The following USP54 variants were observed in gnomAD, a reference collection of about 807,000 sequenced individuals.
USP54 encodes the protein ubiquitin carboxyl-terminal hydrolase 54.
A neutral mutation model predicts 170.5 loss-of-function variants in USP54; 87 were observed. The observed-to-expected ratio is 0.51, with a 90% confidence interval of 0.43 to 0.61. USP54 has a LOEUF of 0.61. Among genes scored for constraint, USP54 ranks in the 20% least tolerant of loss-of-function variants. The probability of loss-of-function intolerance (pLI) is 0.00; values close to 1 mark genes in which losing one functional copy is unlikely to be tolerated. For missense variants in USP54, 1,786 were observed against 2,047.8 expected, an observed-to-expected ratio of 0.87 and a Z score of 2.47; for synonymous variants, 655 against 742.8, an observed-to-expected ratio of 0.88 and a Z score of 1.92.
chr10:73,596,883 G>A (rs1354037216), intron 1 of USP54, among the ~76,000 whole-genome samples: 1 of 152,038 alleles, frequency 6.6e-6, no homozygotes, highest in Admixed American at 6.6e-5. Flanking sequence ...AAAAGTGAAA[G>A]TTATCGACTT....
chr10:73,538,341 TTCATAGCAAGGTAG>T, intron 10 of USP54: 1 of 152,156 alleles, frequency 6.6e-6, no homozygotes, highest in African/African-American at 2.4e-5. Flanking sequence ...AATTGTGCCA[TTCATAGCAAGGTAG>T]TCAGTAATCA....
At chr10:73,618,041 T>C (rs2080787648) in intron 1 of USP54, among the ~76,000 whole-genome samples, 1 of 150,112 alleles carries the variant, frequency 6.7e-6, no homozygotes. Flanking sequence ...TGAAACCCCA[T>C]CTCTACTAAA....
intron 1 of USP54, among the ~76,000 whole-genome samples, chr10:73,616,821 T>A (rs966131857): frequency 2.0e-5 from 3 of 149,706 alleles, no homozygotes; most frequent in Admixed American, 2.0e-4. Flanking sequence ...AGAGACTCTG[T>A]CTCAAAAACA....
chr10:73,542,730 C>CAA (rs368216335), intron 7 of USP54, 73 bp downstream of exon 7: 5,797 of 1,175,050 alleles, frequency 4.9e-3, no homozygotes, highest in Non-Finnish European at 5.3e-3. Context: ...GACTCTGTCT[C>CAA]AAAAAAAAAA....
Position 73,516,468 on chromosome 10 carries a change from C to T in USP54, c.3958G>A (p.Glu1320Lys). ...QDTEQETSEL[E>K]SLYQASLQAS... is the part of the protein sequence containing the mutation. ...TGAAGACTGGCCTGATACAGAGACT[C>T]CAATTCTGAGGTCTCCTGCTCTGTG... is the stretch of plus-strand genomic sequence containing the variant. Residue 1320 changes from glutamate to lysine, a missense_variant, in exon 20 of 24, where the codon GAG becomes AAG. Coordinates refer to ENST00000687698, the MANE Select transcript of USP54 (RefSeq NM_001391956.1). The T allele has an allele frequency of 6.2e-7, 1 of 1,614,062 alleles. No homozygotes were observed. The highest frequency in any genetic ancestry group is 8.5e-7 in the Non-Finnish European group (1 of 1,180,008).
At chr10:73,539,404 T>C (rs769469268) in intron 10 of USP54, 40 bp downstream of exon 10, 3 of 1,480,820 alleles carry the variant, frequency 2.0e-6, no homozygotes, top group Non-Finnish European at 2.7e-6. Context: ...TTTTTTTTTG[T>C]AGTCACCAAA....
At chr10:73,605,466 G>A (rs2079548213) in intron 1 of USP54, among the ~76,000 whole-genome samples, 1 of 152,034 alleles carries the variant, frequency 6.6e-6, no homozygotes, top group Non-Finnish European at 1.5e-5. Context: ...TATCGATACT[G>A]CAGTGAGCCA....
At chr10:73,607,287 C>A in intron 1 of USP54, among the ~76,000 whole-genome samples, 1 of 146,086 alleles carries the variant, frequency 6.8e-6, no homozygotes. Flanking sequence ...ACAGTGAGAC[C>A]TGGTTTCCAC....
rs184258285 is a variant in USP54 at position 73,500,826 on chromosome 10, C to T, written c.4324G>A (p.Val1442Met). The T allele has an allele frequency of 7.5e-6, 12 of 1,598,442 alleles. No individual in the cohort carries two copies. The highest frequency in any genetic ancestry group is 3.4e-5 in the South Asian group (3 of 89,114). ...TGCCCGGTTTCCAAAGGCTTCCTCA[C>T]GTTTGATGAATCCTTATAATGAGAC... ...VSSHSFDSSN[V>M]RKPLETGHRC... is the part of the protein sequence containing the mutation. The change falls in exon 23 of 24, where the codon GTG becomes ATG. Residue 1442 changes from valine (V) to methionine (M), a missense_variant. Val to Met is a conservative substitution (Grantham distance 21). This residue lies in a region of USP54 where 1,418 missense variants were observed against 1,569.0 expected (regional missense o/e 0.90). Transcript: ENST00000687698.
At chr10:73,501,938 C>A (rs2058205252) in intron 22 of USP54, among the ~76,000 whole-genome samples, 1 of 152,252 alleles carries the variant, frequency 6.6e-6, no homozygotes, top group African/African-American at 2.4e-5. Context: ...CTCAAAAAAA[C>A]CACTATTACC....
At chr10:73,505,081 G>GGGGAAGACTCAGTA in intron 21 of USP54, 91 bp from the exon 22 acceptor site, 1 of 1,565,884 alleles carries the variant, frequency 6.4e-7, no homozygotes, top group Admixed American at 1.7e-5. Flanking sequence ...GGAAAGAGTA[G>GGGGAAGACTCAGTA]GGGAAGACTC....
In USP54 at chr10:73,604,234, C is replaced by T. The variant is rs527849742; in HGVS notation, c.-18+21333G>A. Among the ~76,000 whole-genome samples the T allele has an allele frequency of 4.6e-5, 7 of 151,888 alleles. No individual in the cohort carries two copies. In the East Asian group the frequency reaches 5.8e-4, roughly 13 times the overall value. Reference sequence around the variant, plus strand: ...ACTGACTCCAGCCTGGGCGACAGAGCGAGAGTCCATCTCAAAAAAACAAAA... The same window carrying T: ...ACTGACTCCAGCCTGGGCGACAGAGTGAGAGTCCATCTCAAAAAAACAAAA... On this transcript the variant is annotated intron_variant, in intron 1 of 22. Coordinates refer to the USP54 transcript ENST00000339859.
intron 16 of USP54, among the ~76,000 whole-genome samples, chr10:73,524,443 G>A (rs1315235794): frequency 1.3e-5 from 2 of 151,938 alleles, no homozygotes; most frequent in African/African-American, 4.8e-5. Flanking sequence ...AGCCAGGTTT[G>A]GTGGCAGGCG....
intron 1 of USP54, among the ~76,000 whole-genome samples, chr10:73,597,475 T>C (rs185513969): frequency 4.7e-4 from 71 of 152,282 alleles, no homozygotes; most frequent in African/African-American, 1.6e-3. Context: ...CTGTCTCATC[T>C]GGTCTTGTGG....
intron 11 of USP54, among the ~76,000 whole-genome samples, chr10:73,535,563 ATATAT>A (rs1174196148): frequency 2.6e-5 from 4 of 152,218 alleles, no homozygotes; most frequent in African/African-American, 7.2e-5. Flanking sequence ...TATACCTCAA[ATATAT>A]TATAAGATTC....
At chr10:73,527,452 C>T (rs1468771308) in intron 15 of USP54, among the ~76,000 whole-genome samples, 2 of 142,020 alleles carry the variant, frequency 1.4e-5, no homozygotes, top group Admixed American at 7.4e-5. Flanking sequence ...GAGCCGAGAT[C>T]GTGCCATTGC....
In USP54 at chr10:73,516,569, G is replaced by A. The variant is rs1589939171; in HGVS notation, c.3857C>T (p.Ser1286Phe). Residue 1286 changes from serine to phenylalanine, a missense_variant, in exon 20 of 24, where the codon TCC (serine) becomes TTC (phenylalanine). By Grantham distance (155) the Ser-to-Phe change is radical. Transcript: ENST00000687698. ...HGAPRPGMKS[S>F]PHDSHTCVTY... ...TACACACGTATGGGAATCATGAGGGGAGGACTTCATTCCTGGCCTAGGTGC... is the reference window on the plus strand; with the variant it reads ...TACACACGTATGGGAATCATGAGGGAAGGACTTCATTCCTGGCCTAGGTGC... 6.2e-7 allele frequency: 1 copy of A among 1,614,210 alleles called. No individual in the cohort carries two copies. The highest frequency in any genetic ancestry group is 8.5e-7 in the Non-Finnish European group (1 of 1,180,044).
intron 1 of USP54, among the ~76,000 whole-genome samples, chr10:73,621,556 C>T (rs1462278660): frequency 6.8e-6 from 1 of 147,256 alleles, no homozygotes; most frequent in South Asian, 2.2e-4. Flanking sequence ...GCCAAGATTG[C>T]GCCACTGTAC....
chr10:73,514,712 C>T (rs2060776437), intron 20 of USP54, among the ~76,000 whole-genome samples: 1 of 152,010 alleles, frequency 6.6e-6, no homozygotes, highest in South Asian at 2.1e-4. Flanking sequence ...GTAAAATCTA[C>T]ATTAGGATAC....
Sources: gnomAD v4.1 joint callset for allele counts (sites outside exome capture counted in the v4.1 genomes callset) on GRCh38, gnomAD v4.1.1 for gene constraint, gnomAD v4.1.1 regional missense constraint, MANE v1.5 for transcripts, NCBI Gene and HGNC (gene_info 2026-07-23, HGNC 2026-07-21) for gene names.